NTM: variants seen among roughly 807,000 people sequenced by gnomAD.
NTM encodes IgLON family member 2.
Under a neutral mutation model 42.1 loss-of-function variants are expected in NTM, and 13 were observed. The ratio of observed to expected loss-of-function variants is 0.31; its 90% CI spans 0.20 to 0.49. The LOEUF is 0.49. Ranked by LOEUF, NTM falls within the 20% of genes least tolerant of loss-of-function variation. The pLI, the probability that NTM is intolerant of heterozygous loss-of-function variation, is 0.99. For synonymous variants in NTM, 187 were observed against 179.2 expected (o/e 1.04, Z -0.35); for missense variants, 373 against 452.8 (o/e 0.82, Z 1.60).
intron 4 of NTM, among the ~76,000 whole-genome samples, chr11:132,282,771 A>T (rs890296810): frequency 3.3e-5 from 5 of 151,692 alleles, no homozygotes; most frequent in Admixed American, 1.3e-4. Context: ...AGAGAAACAT[A>T]ATCTACACAA....
chr11:131,921,759 C>T (rs1163873170), intron 2 of NTM, among the ~76,000 whole-genome samples: 1 of 152,098 alleles, frequency 6.6e-6, no homozygotes, highest in Non-Finnish European at 1.5e-5. Flanking sequence ...CCCAGCCTCT[C>T]CATTACAAAT....
intron 1 of NTM, among the ~76,000 whole-genome samples, chr11:131,631,006 T>C (rs73590501): frequency 0.033 from 5,042 of 152,306 alleles, 227 homozygotes; most frequent in African/African-American, 0.11. Flanking sequence ...GCCAGCCAGC[T>C]TTTCATTACC....
chr11:131,383,937 G>C (rs1229271405), intron 1 of NTM, among the ~76,000 whole-genome samples: 3 of 152,172 alleles, frequency 2.0e-5, no homozygotes, highest in African/African-American at 7.2e-5. Flanking sequence ...GAGAAGGAGA[G>C]ACATGGGGGT....
intron 1 of NTM, among the ~76,000 whole-genome samples, chr11:131,463,875 C>T (rs1193117809): frequency 2.0e-5 from 3 of 152,212 alleles, no homozygotes; most frequent in Non-Finnish European, 2.9e-5. Context: ...GGCCTGGAGG[C>T]GGCAGCCTGC....
intron 1 of NTM, among the ~76,000 whole-genome samples, chr11:131,747,414 T>C (rs1327897571): frequency 1.3e-5 from 2 of 152,124 alleles, no homozygotes; most frequent in Non-Finnish European, 2.9e-5. Context: ...CCTAAATCTT[T>C]CTCCCATCAG....
chr11:131,996,120 C>T (rs1338171813), intron 2 of NTM, among the ~76,000 whole-genome samples: 1 of 151,990 alleles, frequency 6.6e-6, no homozygotes, highest in Non-Finnish European at 1.5e-5. Context: ...GGGGGACTGC[C>T]CTAAAGAATT....
rs776351590 is a variant in NTM, at chr11:131,584,181, C to T, written c.82+213293C>T. 2.6e-5 allele frequency among the ~76,000 whole-genome samples: 4 copies of T among 152,338 alleles called. No individual in the cohort carries two copies. The Middle Eastern group carries it at 0.01, about 389-fold the overall frequency. On this transcript the variant is annotated intron_variant, in intron 1 of 8. Transcript: ENST00000683400. ...GCCATGAGTGAGTGTCTCTCAGTCC[C>T]TGCCCTGTGCTTTTCCTAAGGACTT...
rs576945362 is a variant in NTM, at chr11:131,466,129, G to A, written c.82+95241G>A. 1.6e-3 allele frequency among the ~76,000 whole-genome samples: 251 copies of A among 152,318 alleles called. 1 individual carries two copies. The highest frequency in any genetic ancestry group is 1.8e-3 in the Non-Finnish European group (125 of 68,036). On this transcript the variant is annotated intron_variant, in intron 1 of 8. Transcript: ENST00000683400. The stretch of plus-strand genomic sequence containing the variant: ...GTGATCTATTCTGGATCCTCTCAGA[G>A]CCTGCCCGACCCTGACAGCCAAGGA...
At chr11:132,115,006 T>G (rs998800985) in intron 2 of NTM, among the ~76,000 whole-genome samples, 17 of 152,140 alleles carry the variant, frequency 1.1e-4, no homozygotes, top group Middle Eastern at 3.2e-3. Flanking sequence ...TTCGGCAACA[T>G]GGATGAATGG....
intron 1 of NTM, among the ~76,000 whole-genome samples, chr11:131,670,873 C>T (rs2070076286): frequency 1.3e-5 from 2 of 152,324 alleles, no homozygotes; most frequent in African/African-American, 2.4e-5. Flanking sequence ...TCTGCTCCCT[C>T]TGTGAGCAAT....
chr11:131,900,204 G>A (rs900212922), intron 1 of NTM, among the ~76,000 whole-genome samples: 33 of 152,196 alleles, frequency 2.2e-4, no homozygotes, highest in Non-Finnish European at 4.3e-4. Context: ...TAGGCAGGAA[G>A]TGGAACATGC....
chr11:131,486,228 C>T (rs539846114), intron 1 of NTM, among the ~76,000 whole-genome samples: 26 of 152,276 alleles, frequency 1.7e-4, no homozygotes, highest in African/African-American at 5.8e-4. Context: ...GCCTCCAGAA[C>T]TTGGCAGGGA....
At chr11:131,744,300 T>A (rs1591553715) in intron 1 of NTM, among the ~76,000 whole-genome samples, 1 of 152,256 alleles carries the variant, frequency 6.6e-6, no homozygotes, top group East Asian at 1.9e-4. Context: ...TAATTGACTT[T>A]ATTCTTGTAG....
chr11:132,301,285 C>T (rs543484873), intron 4 of NTM, among the ~76,000 whole-genome samples: 10 of 152,244 alleles, frequency 6.6e-5, no homozygotes, highest in South Asian at 2.1e-4. Context: ...ATCATGAGAA[C>T]GGGATGGGGG....
chr11:131,675,228 A>G lies in NTM; in HGVS notation c.83-236336A>G, dbSNP rs541571821. On this transcript the variant is annotated intron_variant, in intron 1 of 8. Coordinates refer to ENST00000683400, the MANE Select transcript of NTM (RefSeq NM_001352005.2). ...TTCGGGCAGCTACACTGTTTTATTA[A>G]GTATATTAAACAGCAGAGTAGCTCA... Among the ~76,000 whole-genome samples, 148 of 152,324 alleles carry G rather than the reference A, an allele frequency of 9.7e-4. 2 individuals are homozygous for G. The highest frequency in any genetic ancestry group is 9.5e-3 in the Admixed American group (145 of 15,298).
intron 1 of NTM, among the ~76,000 whole-genome samples, chr11:131,863,634 C>A (rs552591495): frequency 3.3e-5 from 5 of 152,306 alleles, no homozygotes; most frequent in African/African-American, 1.2e-4. Flanking sequence ...ACTGAACCTG[C>A]AAACCATAAC....
At chr11:132,117,829 C>T (rs1312622312) in intron 2 of NTM, among the ~76,000 whole-genome samples, 2 of 152,162 alleles carry the variant, frequency 1.3e-5, no homozygotes, top group Non-Finnish European at 2.9e-5. Flanking sequence ...AATAAATGAG[C>T]ATTGTACAGA....
intron 1 of NTM, among the ~76,000 whole-genome samples, chr11:131,423,574 T>A (rs1947753103): frequency 6.6e-6 from 1 of 152,186 alleles, no homozygotes; most frequent in African/African-American, 2.4e-5. Context: ...TTCTTCCTAT[T>A]GGTAAGTGGT....
At chr11:132,285,787 G>A (rs181035489) in intron 4 of NTM, among the ~76,000 whole-genome samples, 14 of 152,270 alleles carry the variant, frequency 9.2e-5, no homozygotes, top group Middle Eastern at 3.4e-3. Flanking sequence ...ACTGCCAGTC[G>A]CTGTCCCTTA....
Sources: allele counts gnomAD v4.1 joint callset (sites outside exome capture counted in the v4.1 genomes callset), GRCh38; gene constraint gnomAD v4.1.1; transcripts MANE v1.5; gene names NCBI Gene and HGNC (gene_info 2026-07-23, HGNC 2026-07-21).